JADE2: variants seen among roughly 807,000 people sequenced by gnomAD.
JADE2 encodes the protein jade family PHD finger 2.
Under a neutral mutation model 85.7 loss-of-function variants are expected in JADE2, and 13 were observed. The ratio of observed to expected loss-of-function variants is 0.15; its 90% CI spans 0.10 to 0.24. The LOEUF is 0.24. JADE2 is among the 10% of genes least tolerant of loss of function. The probability of loss-of-function intolerance (pLI) is 1.00; values close to 1 mark genes in which losing one functional copy is unlikely to be tolerated. For synonymous variants in JADE2, 440 were observed against 456.1 expected (o/e 0.96, Z 0.45); for missense variants, 846 against 1,115.9 (o/e 0.76, Z 3.45).
intron 3 of JADE2, among the ~76,000 whole-genome samples, chr5:134,546,637 C>T (rs539540016): frequency 3.3e-5 from 5 of 151,674 alleles, no homozygotes; most frequent in Non-Finnish European, 5.9e-5. Context: ...GCGCGGTGGC[C>T]GGTGCCTGTA....
chr5:134,527,752 A>G (rs1406930534), intron 1 of JADE2, among the ~76,000 whole-genome samples: 1 of 149,442 alleles, frequency 6.7e-6, no homozygotes, highest in Non-Finnish European at 1.5e-5. Context: ...CTCCCCTCCC[A>G]ATCCCCTCAG....
chr5:134,579,154 A>G lies in JADE2; in HGVS notation c.2342A>G (p.Glu781Gly). ...AGMGPPSAVAERPKVSLHFDT... is the reference protein window; with the variant it reads ...AGMGPPSAVAGRPKVSLHFDT... ...ATGGGACCACCTTCAGCTGTGGCTG[A>G]GAGGCCCAAGGTCAGCCTGCATTTT... Residue 781 changes from glutamate (E) to glycine (G), a missense_variant, in exon 12 of 12, where the codon GAG becomes GGG. Transcript: ENST00000681547. The surrounding 1 kb of genome is among the most constrained non-coding windows in gnomAD (Gnocchi z 4.6). 1 of 1,614,238 alleles carries G rather than the reference A, an allele frequency of 6.2e-7. No individual in the cohort carries two copies.
rs116774010 is a variant in JADE2, at chr5:134,578,690, C to A, written c.1878C>A (p.Asp626Glu). The change falls in exon 12 of 12, where the codon GAC (aspartate) becomes GAA (glutamate). Residue 626 changes from aspartate to glutamate, a missense_variant. Asp to Glu is a conservative substitution (Grantham distance 45). Coordinates refer to ENST00000681547, the MANE Select transcript of JADE2 (RefSeq NM_001388185.1). The surrounding 1 kb of genome is among the most constrained non-coding windows in gnomAD (Gnocchi z 4.4). ...DEETLLSFMR[D>E]PSLRPGDPAR... ...AGACACTGCTCAGCTTCATGCGGGA[C>A]CCCTCGCTGCGACCTGGTGACCCTG... is the stretch of plus-strand genomic sequence containing the variant. 363 of 1,613,852 alleles carry A rather than the reference C, an allele frequency of 2.2e-4. 3 individuals are homozygous for A. In the East Asian group the frequency reaches 7.9e-3, roughly 35 times the overall value.
rs1763398963 is a variant in JADE2 at position 134,562,688 on chromosome 5, T to C, written c.852+321T>C. Reference sequence around the variant, plus strand: ...CAGAGGCAGGAGAATCACTTGAACCTGGGAGTTGGAGGTTGCAGTGAACCG... The same window carrying C: ...CAGAGGCAGGAGAATCACTTGAACCCGGGAGTTGGAGGTTGCAGTGAACCG... On this transcript the variant is annotated intron_variant, in intron 7 of 11. Transcript: ENST00000681547. The surrounding 1 kb of genome is among the most constrained non-coding windows in gnomAD (Gnocchi z 4.6). 6.6e-6 allele frequency among the ~76,000 whole-genome samples: 1 copy of C among 152,068 alleles called. No homozygotes were observed. The highest frequency in any genetic ancestry group is 1.5e-5 in the Non-Finnish European group (1 of 68,004).
At position 134,578,387 on chromosome 5, in the gene JADE2, A is replaced by T. The variant is rs1581493032; in HGVS notation, c.1682-107A>T. On this transcript the variant is annotated intron_variant, in intron 11 of 11. Transcript: ENST00000681547. The surrounding 1 kb of genome is among the most constrained non-coding windows in gnomAD (Gnocchi z 4.4). ...GCTCACCTGGGTCTGGCACAGGGGG[A>T]CAGAGAGAAGACGATGCCTGGTGGT... 3 of 828,358 alleles carry T rather than the reference A, an allele frequency of 3.6e-6. No individual in the cohort carries two copies. In the South Asian group the frequency reaches 5.0e-5, roughly 14 times the overall value. 51.3% of individuals were successfully genotyped at this position (828,358 alleles called of 1,614,324 possible). A position where few individuals can be genotyped will look rare whatever the true frequency, so the allele number is the denominator to read the frequency against.
intron 3 of JADE2, among the ~76,000 whole-genome samples, chr5:134,548,000 A>G (rs1442195776): frequency 1.3e-5 from 2 of 152,190 alleles, no homozygotes; most frequent in Non-Finnish European, 2.9e-5. Context: ...GACCTTAAGG[A>G]TGAAGTGTGC....
At chr5:134,561,805 T>C (rs562420196) in intron 6 of JADE2, among the ~76,000 whole-genome samples, 1 of 152,292 alleles carries the variant, frequency 6.6e-6, no homozygotes, top group South Asian at 2.1e-4. Flanking sequence ...CATGGGTCCC[T>C]GTGTAAGAAA....
At chr5:134,547,807 T>C (rs1355534595) in intron 3 of JADE2, among the ~76,000 whole-genome samples, 1 of 152,242 alleles carries the variant, frequency 6.6e-6, no homozygotes, top group Non-Finnish European at 1.5e-5. Flanking sequence ...TGCCAGACCC[T>C]GCTTGCACTG....
rs1212632468 is a variant in JADE2, at chr5:134,579,173, G to C, written c.2361G>C (p.Leu787=). ...TGGCTGAGAGGCCCAAGGTCAGCCT[G>C]CATTTTGACACTGAGACTGATGGCT... ...SAVAERPKVS[L]HFDTETDGYF... The change falls in exon 12 of 12, where the codon CTG becomes CTC. Residue 787 remains leucine (L), a synonymous_variant. Coordinates refer to ENST00000681547, the MANE Select transcript of JADE2 (RefSeq NM_001388185.1). This position sits in a 1 kb window ranked among gnomAD's most constrained non-coding sequence, Gnocchi z 4.6. 1 of 1,614,140 alleles carries C rather than the reference G, an allele frequency of 6.2e-7. No homozygotes were observed. The highest frequency in any genetic ancestry group is 1.3e-5 in the African/African-American group (1 of 74,960).
intron 3 of JADE2, among the ~76,000 whole-genome samples, chr5:134,545,871 T>G (rs1382677653): frequency 6.6e-6 from 1 of 152,176 alleles, no homozygotes; most frequent in Non-Finnish European, 1.5e-5. Flanking sequence ...CAAACTTTCC[T>G]TGAGGGGTGA....
chr5:134,540,694 GT>G, intron 3 of JADE2, among the ~76,000 whole-genome samples: 1 of 152,166 alleles, frequency 6.6e-6, no homozygotes, highest in Non-Finnish European at 1.5e-5. Flanking sequence ...CCTATCTCCT[GT>G]TTGTTGTAGC....
At chr5:134,529,687 C>T (rs1260286422) in intron 1 of JADE2, among the ~76,000 whole-genome samples, 1 of 152,222 alleles carries the variant, frequency 6.6e-6, no homozygotes, top group African/African-American at 2.4e-5. Context: ...CCTTTGATCT[C>T]TCACCTTTAG....
In JADE2 at chr5:134,563,726, T is replaced by A. The variant is rs182616849; in HGVS notation, c.853-768T>A. ...TTTGTGTCAGCAGTAGGCACTTGCT[T>A]GCAGATCAGCATGTTGAAGACTGGG... On this transcript the variant is annotated intron_variant, in intron 7 of 11. Coordinates refer to ENST00000681547, the MANE Select transcript of JADE2 (RefSeq NM_001388185.1). 1.8e-3 allele frequency among the ~76,000 whole-genome samples: 268 copies of A among 152,338 alleles called. 2 individuals are homozygous for A. Among genetic ancestry groups the A allele is most frequent in the Middle Eastern group, 6.8e-3 (2 of 294 alleles).
At chr5:134,525,570 C>A (rs1173246739), upstream of JADE2, 1 of 508,834 alleles carries the variant, frequency 2.0e-6, no homozygotes, top group African/African-American at 2.2e-5. Flanking sequence ...GTGGCTACTC[C>A]CCCTCCCTCG....
At chr5:134,569,920 C>T (rs1763888381) in intron 9 of JADE2, among the ~76,000 whole-genome samples, 1 of 152,184 alleles carries the variant, frequency 6.6e-6, no homozygotes, top group African/African-American at 2.4e-5. Context: ...CCAGTCACCA[C>T]CTCCAGCTGC....
chr5:134,581,303 T>A lies in JADE2; in HGVS notation c.*1986T>A, dbSNP rs1764700592. ...TGACCAGTCAGTGTCAGCATCAGTG[T>A]CCCAACCCCAGTCTCTGTTTACTGC... On this transcript the variant is annotated 3_prime_UTR_variant, in exon 12 of 12. Transcript: ENST00000681547. The A allele has an allele frequency of 6.5e-6, 1 of 152,712 alleles. No individual in the cohort carries two copies. The highest frequency in any genetic ancestry group is 1.5e-5 in the Non-Finnish European group (1 of 68,116). The allele number at this position is 152,712 out of a possible 1,614,324, so 9.5% of individuals were successfully genotyped here.
intron 9 of JADE2, among the ~76,000 whole-genome samples, chr5:134,570,287 G>A (rs529753352): frequency 2.6e-5 from 4 of 152,186 alleles, no homozygotes; most frequent in African/African-American, 7.2e-5. Flanking sequence ...TCTGCCAGCC[G>A]AGCCTCTCGG....
At chr5:134,572,382 C>T (rs748513290) in intron 9 of JADE2, among the ~76,000 whole-genome samples, 8 of 152,192 alleles carry the variant, frequency 5.3e-5, no homozygotes, top group East Asian at 1.9e-4. Flanking sequence ...ACATCCTTCA[C>T]GGCTGGGCTC....
intron 3 of JADE2, among the ~76,000 whole-genome samples, chr5:134,538,860 C>CTTTTTTTTT (rs541295980): frequency 7.1e-6 from 1 of 141,598 alleles, no homozygotes; most frequent in African/African-American, 2.6e-5. Context: ...AATCCTGGCT[C>CTTTTTTTTT]TTTTTTTTTT....
Sources: allele counts gnomAD v4.1 joint callset (sites outside exome capture counted in the v4.1 genomes callset), GRCh38; gene constraint gnomAD v4.1.1; non-coding constraint Gnocchi (gnomAD v3.1); transcripts MANE v1.5; gene names NCBI Gene and HGNC (gene_info 2026-07-23, HGNC 2026-07-21).